TBC1D9: variants seen among roughly 807,000 people sequenced by gnomAD.
The protein encoded by TBC1D9 is TBC1 domain family member 9.
Under a neutral mutation model 132.0 loss-of-function variants are expected in TBC1D9, and 63 were observed. The ratio of observed to expected loss-of-function variants is 0.48; its 90% CI spans 0.39 to 0.59. The LOEUF (loss-of-function observed/expected upper bound fraction) is 0.59. TBC1D9 is among the 20% of genes least tolerant of loss of function. The pLI is 0.00. For missense variants in TBC1D9, 1,261 were observed against 1,592.7 expected, an observed-to-expected ratio of 0.79 and a Z score of 3.54; for synonymous variants, 610 against 609.9, an observed-to-expected ratio of 1.00 and a Z score of 0.00.
chr4:140,721,502 T>C (rs1471211436), intron 1 of TBC1D9, among the ~76,000 whole-genome samples: 1 of 151,946 alleles, frequency 6.6e-6, no homozygotes, highest in Admixed American at 6.6e-5. Flanking sequence ...GCCTGTGGAG[T>C]GTCGATGCAT....
intron 16 of TBC1D9, among the ~76,000 whole-genome samples, chr4:140,633,021 G>T (rs190958115): frequency 6.6e-6 from 1 of 152,164 alleles, no homozygotes; most frequent in Admixed American, 6.5e-5. Flanking sequence ...TAACCTCAAC[G>T]GACCTTACCT....
chr4:140,700,175 C>T (rs1012743239), intron 2 of TBC1D9, among the ~76,000 whole-genome samples: 1 of 151,896 alleles, frequency 6.6e-6, no homozygotes, highest in Non-Finnish European at 1.5e-5. Flanking sequence ...AAAGTCCAGG[C>T]GCAGTGGTTC....
chr4:140,671,048 T>C lies in TBC1D9; in HGVS notation c.1060-122A>G, dbSNP rs778285114. The C allele has an allele frequency of 2.1e-4, 165 of 782,414 alleles. 1 individual carries two copies. The highest frequency in any genetic ancestry group is 2.5e-5 in the Non-Finnish European group (12 of 477,978). 48.5% of individuals were successfully genotyped at this position (782,414 alleles called of 1,614,324 possible). On this transcript the variant is annotated intron_variant, in intron 6 of 20. Transcript: ENST00000442267. ...TTCTATAGGAACCACCTATATTTTA[T>C]TGAAGCAAAACTGAGACTCTTTGAC...
intron 2 of TBC1D9, among the ~76,000 whole-genome samples, chr4:140,696,472 A>T (rs1398389962): frequency 6.6e-6 from 1 of 151,286 alleles, no homozygotes; most frequent in African/African-American, 2.4e-5. Flanking sequence ...AAAAAAAAAA[A>T]AAAAAAAAAG....
intron 16 of TBC1D9, among the ~76,000 whole-genome samples, chr4:140,633,692 C>T (rs902694123): frequency 6.6e-6 from 1 of 151,954 alleles, no homozygotes; most frequent in Admixed American, 6.6e-5. Context: ...GTAAAACTAT[C>T]TCGTCTGTGG....
rs762920297 is a variant in TBC1D9, at chr4:140,639,150, C to A, written c.2441G>T (p.Arg814Leu). 1 of 1,577,346 alleles carries A rather than the reference C, an allele frequency of 6.3e-7. No homozygotes were observed. Among genetic ancestry groups the A allele is most frequent in the African/African-American group, 1.3e-5 (1 of 74,326 alleles). ...AAAGGAAGTTTCTGTCACAATGGTT[C>A]GTACCTATAAAAATATTAAGCAAAA... is the stretch of plus-strand genomic sequence containing the variant. ...LEDTTKRNVV[R>L]TIVTETSFTI... The change falls in exon 15 of 21, where the codon CGA becomes CTA. Residue 814 changes from arginine (R) to leucine (L), a missense_variant. Arg to Leu is a moderately radical substitution (Grantham distance 102). Coordinates refer to ENST00000442267, the MANE Select transcript of TBC1D9 (RefSeq NM_015130.3).
At chr4:140,743,274 C>T (rs1044469687) in intron 1 of TBC1D9, among the ~76,000 whole-genome samples, 2 of 152,140 alleles carry the variant, frequency 1.3e-5, no homozygotes, top group Admixed American at 1.3e-4. Context: ...CCAGTTGCCT[C>T]CTAATACCTA....
At chr4:140,634,717 T>C (rs1485162747) in intron 15 of TBC1D9, among the ~76,000 whole-genome samples, 5 of 152,194 alleles carry the variant, frequency 3.3e-5, no homozygotes, top group African/African-American at 1.2e-4. Flanking sequence ...TAATGTCCCA[T>C]GTATCATACA....
At chr4:140,634,631 T>C (rs552616358) in intron 15 of TBC1D9, among the ~76,000 whole-genome samples, 97 of 152,358 alleles carry the variant, frequency 6.4e-4, no homozygotes, top group African/African-American at 2.1e-3. Flanking sequence ...ATCCAGACTT[T>C]ATGTGGCTCA....
intron 1 of TBC1D9, among the ~76,000 whole-genome samples, chr4:140,723,771 T>C (rs1217592471): frequency 6.6e-6 from 1 of 152,178 alleles, no homozygotes; most frequent in Non-Finnish European, 1.5e-5. Context: ...ATCTATGTTA[T>C]TTTTAGAAAC....
intron 2 of TBC1D9, chr4:140,700,981 G>T (rs1267865089): frequency 1.3e-5 from 2 of 155,380 alleles, no homozygotes; most frequent in East Asian, 1.9e-4. Flanking sequence ...GCACAGCACA[G>T]CATTACTGAT....
At chr4:140,671,059 C>T (rs1737528487) in intron 6 of TBC1D9, 133 bp from the exon 7 acceptor site, 1 of 677,054 alleles carries the variant, frequency 1.5e-6, no homozygotes, top group South Asian at 1.9e-5. Flanking sequence ...TGAAGCAAAA[C>T]TGAGACTCTT....
chr4:140,621,292 G>T lies in TBC1D9; in HGVS notation c.*903C>A, dbSNP rs1231874557. ...CTATGGAGAATACGGAAATGGTAAA[G>T]TTGACTGTTTTACTTATGTTTTTGC... On this transcript the variant is annotated 3_prime_UTR_variant, in exon 21 of 21. Coordinates refer to ENST00000442267, the MANE Select transcript of TBC1D9 (RefSeq NM_015130.3). 6.6e-6 allele frequency: 1 copy of T among 152,566 alleles called. No individual in the cohort carries two copies. Among genetic ancestry groups the T allele is most frequent in the African/African-American group, 2.4e-5 (1 of 41,442 alleles). The allele number at this position is 152,566 out of a possible 1,614,324, so 9.5% of individuals were successfully genotyped here. A position where few individuals can be genotyped will look rare whatever the true frequency, so the allele number is the denominator to read the frequency against.
At chr4:140,721,063 G>A (rs1180744465) in intron 1 of TBC1D9, among the ~76,000 whole-genome samples, 1 of 152,182 alleles carries the variant, frequency 6.6e-6, no homozygotes, top group Non-Finnish European at 1.5e-5. Flanking sequence ...CTAACTGGCC[G>A]CAGATAAGTG....
At chr4:140,724,211 A>G (rs1454122643) in intron 1 of TBC1D9, among the ~76,000 whole-genome samples, 1 of 152,218 alleles carries the variant, frequency 6.6e-6, no homozygotes, top group Non-Finnish European at 1.5e-5. Context: ...CCAGCTGGTC[A>G]TTTCTACTCT....
intron 5 of TBC1D9, 53 bp from the exon 6 acceptor site, chr4:140,677,154 AATT>A: frequency 6.3e-7 from 1 of 1,597,076 alleles, no homozygotes; most frequent in Non-Finnish European, 8.5e-7. Flanking sequence ...ATACCTTCTA[AATT>A]ATGCAGCAGC....
intron 10 of TBC1D9, among the ~76,000 whole-genome samples, chr4:140,661,006 C>T (rs535655186): frequency 6.6e-6 from 1 of 152,182 alleles, no homozygotes; most frequent in South Asian, 2.1e-4. Flanking sequence ...GCTCCACCTC[C>T]CGGGTTCAGG....
chr4:140,731,411 G>T (rs993645594), intron 1 of TBC1D9, among the ~76,000 whole-genome samples: 3 of 152,110 alleles, frequency 2.0e-5, no homozygotes, highest in African/African-American at 7.2e-5. Context: ...AGGAAAAAGG[G>T]CTGGGTGAGG....
chr4:140,658,103 T>C (rs1737300054), intron 11 of TBC1D9, among the ~76,000 whole-genome samples: 2 of 152,244 alleles, frequency 1.3e-5, no homozygotes. Context: ...TTTCGTGACA[T>C]ACAATTAGTT....
Sources: allele counts gnomAD v4.1 joint callset (sites outside exome capture counted in the v4.1 genomes callset), GRCh38; gene constraint gnomAD v4.1.1; transcripts MANE v1.5; gene names NCBI Gene and HGNC (gene_info 2026-07-23, HGNC 2026-07-21).